Variants in EHBP1 observed in about 807,000 individuals in gnomAD.
EHBP1 encodes EH domain binding protein 1, also known as EH domain-binding protein 1.
Under a neutral mutation model 144.0 loss-of-function variants are expected in EHBP1, and 55 were observed. That is an observed-to-expected ratio of 0.38 (90% CI 0.31 to 0.48). The LOEUF (loss-of-function observed/expected upper bound fraction) is 0.48, where lower values mean the gene tolerates loss of function less well. Among genes scored for constraint, EHBP1 ranks in the 20% least tolerant of loss-of-function variants. EHBP1 has a pLI of 0.98. For synonymous variants in EHBP1, 469 were observed against 472.7 expected (o/e 0.99, Z 0.10); for missense variants, 1,200 against 1,364.2 (o/e 0.88, Z 1.90).
intron 2 of EHBP1, among the ~76,000 whole-genome samples, chr2:62,732,661 C>G (rs900957892): frequency 6.6e-6 from 1 of 152,188 alleles, no homozygotes; most frequent in Admixed American, 6.5e-5. Context: ...CCTGAGGCCT[C>G]CCCGAAAGCT....
chr2:62,886,766 CT>C (rs1333714833), intron 10 of EHBP1, among the ~76,000 whole-genome samples: 3 of 152,088 alleles, frequency 2.0e-5, no homozygotes, highest in African/African-American at 7.2e-5. Flanking sequence ...AATTTCCTAC[CT>C]CCCCTGTACA....
At position 62,977,990 on chromosome 2, in the gene EHBP1, C is replaced by A. The variant is rs1340378745; in HGVS notation, c.2461-1198C>A. 3.9e-5 allele frequency among the ~76,000 whole-genome samples: 6 copies of A among 152,110 alleles called. No homozygotes were observed. In the East Asian group the frequency reaches 1.2e-3, roughly 29 times the overall value. On this transcript the variant is annotated intron_variant, in intron 14 of 22. Coordinates refer to ENST00000431489, the MANE Select transcript of EHBP1 (RefSeq NM_001142616.3). ...AATGACACACTCAGAGCCACAAGTACATGAAGCTACATGATACAAACAATT... is the reference window on the plus strand; with the variant it reads ...AATGACACACTCAGAGCCACAAGTAAATGAAGCTACATGATACAAACAATT...
At chr2:62,762,040 C>T (rs1224619991) in intron 3 of EHBP1, among the ~76,000 whole-genome samples, 3 of 152,148 alleles carry the variant, frequency 2.0e-5, no homozygotes, top group African/African-American at 7.2e-5. Flanking sequence ...TGGGCTCAAG[C>T]TATCCTCCCA....
At chr2:62,858,484 C>T in intron 7 of EHBP1, 1 of 1,610,902 alleles carries the variant, frequency 6.2e-7, no homozygotes, top group Non-Finnish European at 8.5e-7. Context: ...AATATGCGTT[C>T]AGCTAAATCA....
At chr2:62,697,388 CA>C (rs1389245313) in intron 1 of EHBP1, among the ~76,000 whole-genome samples, 1 of 152,194 alleles carries the variant, frequency 6.6e-6, no homozygotes, top group East Asian at 1.9e-4. Context: ...GCAGCCACAA[CA>C]AAAGGAAAGA....
chr2:62,943,608 A>G (rs528717264), intron 11 of EHBP1, among the ~76,000 whole-genome samples, 194 bp from the exon 12 acceptor site: 1 of 152,262 alleles, frequency 6.6e-6, no homozygotes, highest in African/African-American at 2.4e-5. Flanking sequence ...CGAAACGTGT[A>G]ATCACTGTTT....
chr2:62,675,301 T>G (rs1480929076), intron 1 of EHBP1, among the ~76,000 whole-genome samples: 4 of 152,194 alleles, frequency 2.6e-5, no homozygotes, highest in Non-Finnish European at 1.5e-5. Flanking sequence ...TGAACCCTAG[T>G]GCCAGGGAAG....
intron 1 of EHBP1, among the ~76,000 whole-genome samples, chr2:62,689,169 A>C (rs931855908): frequency 3.9e-5 from 6 of 152,360 alleles, no homozygotes; most frequent in African/African-American, 1.4e-4. Flanking sequence ...GCAATAACTC[A>C]AGTCAGTTGG....
chr2:62,737,315 G>T (rs2038234468), intron 2 of EHBP1, among the ~76,000 whole-genome samples: 1 of 152,148 alleles, frequency 6.6e-6, no homozygotes, highest in South Asian at 2.1e-4. Context: ...TGAGAATGTG[G>T]TAAAGCTACA....
chr2:62,884,825 A>G (rs1022973714), intron 10 of EHBP1, among the ~76,000 whole-genome samples: 4 of 152,192 alleles, frequency 2.6e-5, no homozygotes, highest in African/African-American at 9.7e-5. Context: ...AAAATAATTG[A>G]CATTTTGATA....
intron 10 of EHBP1, among the ~76,000 whole-genome samples, chr2:62,908,337 T>A (rs2053956559): frequency 6.6e-6 from 1 of 152,152 alleles, no homozygotes; most frequent in Non-Finnish European, 1.5e-5. Context: ...TGTTTTCACT[T>A]TCTTTTTTAC....
In EHBP1 at chr2:62,948,950, T is replaced by A. The variant is rs548108846; in HGVS notation, c.2104T>A (p.Leu702Ile). 5 of 1,613,950 alleles carry A rather than the reference T, an allele frequency of 3.1e-6. No individual in the cohort carries two copies. The African/African-American group carries it at 5.3e-5, about 17-fold the overall frequency. Residue 702 changes from leucine (L) to isoleucine (I), a missense_variant, in exon 13 of 23, where the codon TTA (leucine) becomes ATA (isoleucine). Coordinates refer to ENST00000431489, the MANE Select transcript of EHBP1 (RefSeq NM_001142616.3). ...DIGSNLEKEK[L>I]ENSRSLECRS... ...CGGTAGTAACTTGGAGAAAGAAAAA[T>A]TAGAGAATTCCAGATCCTTAGAATG...
intron 3 of EHBP1, among the ~76,000 whole-genome samples, chr2:62,759,862 G>A (rs2040620680): frequency 6.6e-6 from 1 of 152,170 alleles, no homozygotes; most frequent in South Asian, 2.1e-4. Flanking sequence ...TGAGGTAAAA[G>A]TTGTAGTAAA....
chr2:62,861,124 CT>C (rs935207202), intron 8 of EHBP1, among the ~76,000 whole-genome samples: 358 of 94,210 alleles, frequency 3.8e-3, no homozygotes, highest in African/African-American at 0.013. Flanking sequence ...GCTTGAGTGG[CT>C]TTTTTTTTTT....
intron 5 of EHBP1, among the ~76,000 whole-genome samples, chr2:62,772,562 A>G (rs975263967): frequency 4.6e-5 from 7 of 152,268 alleles, no homozygotes; most frequent in African/African-American, 1.7e-4. Context: ...AAAATAATAC[A>G]GATGACAGGA....
intron 5 of EHBP1, among the ~76,000 whole-genome samples, chr2:62,784,956 G>A (rs1007763702): frequency 1.3e-5 from 2 of 152,142 alleles, no homozygotes; most frequent in Non-Finnish European, 2.9e-5. Context: ...CTATCAGGAA[G>A]CATGGAAAAG....
chr2:62,841,358 G>C lies in EHBP1; in HGVS notation c.634+10200G>C, dbSNP rs1184738393. On this transcript the variant is annotated intron_variant, in intron 7 of 22. Coordinates refer to ENST00000431489, the MANE Select transcript of EHBP1 (RefSeq NM_001142616.3). The stretch of plus-strand genomic sequence containing the variant: ...ACTGTGGTGGGGTGGGGGGAGGGGG[G>C]AGGGATAGCATTGGGAGATATACCT... 4.3e-5 allele frequency among the ~76,000 whole-genome samples: 5 copies of C among 115,750 alleles called. No homozygotes were observed. The East Asian group carries it at 1.2e-3, about 28-fold the overall frequency. 75.9% of individuals were successfully genotyped at this position (115,750 alleles called of 152,430 possible).
intron 10 of EHBP1, among the ~76,000 whole-genome samples, chr2:62,908,006 G>C (rs1315463012): frequency 1.3e-5 from 2 of 152,190 alleles, no homozygotes; most frequent in Admixed American, 1.3e-4. Context: ...CTGGCATCTA[G>C]TGGAATTATT....
At chr2:62,951,545 G>C (rs1211090018) in intron 13 of EHBP1, among the ~76,000 whole-genome samples, 2 of 139,504 alleles carry the variant, frequency 1.4e-5, no homozygotes, top group Admixed American at 7.2e-5. Flanking sequence ...GGGGGGGGGG[G>C]GTGGAGTCTT....
Sources: gnomAD v4.1 joint callset for allele counts (sites outside exome capture counted in the v4.1 genomes callset) on GRCh38, gnomAD v4.1.1 for gene constraint, MANE v1.5 for transcripts, NCBI Gene and HGNC (gene_info 2026-07-23, HGNC 2026-07-21) for gene names.